The following ID4 variants were observed in gnomAD, a reference collection of about 807,000 sequenced individuals.
ID4 encodes the protein inhibitor of DNA binding 4, also known as DNA-binding protein inhibitor ID-4.
ID4 carries 9 observed loss-of-function variants against 8.6 expected under a neutral mutation model. The ratio of observed to expected loss-of-function variants is 1.04; its 90% CI spans 0.63 to 1.82. The LOEUF is 1.82. Among genes scored for constraint, ID4 ranks in the 40% most tolerant of loss-of-function variants. The pLI, the probability that ID4 is intolerant of heterozygous loss-of-function variation, is 0.00. For missense variants in ID4, 270 were observed against 235.1 expected, an observed-to-expected ratio of 1.15 and a Z score of -0.97; for synonymous variants, 180 against 118.0, an observed-to-expected ratio of 1.53 and a Z score of -3.41.
rs1761253916 is a variant in ID4, at chr6:19,837,831, G to A, written c.77G>A (p.Arg26His). 4.3e-6 allele frequency: 5 copies of A among 1,155,952 alleles called. No homozygotes were observed. In the South Asian group the frequency reaches 2.1e-4, roughly 49 times the overall value. The allele number at this position is 1,155,952 out of a possible 1,614,324, so 71.6% of individuals were successfully genotyped here. A position where few individuals can be genotyped will look rare whatever the true frequency, so the allele number is the denominator to read the frequency against. Residue 26 changes from arginine to histidine, a missense_variant, in exon 1 of 3, where the codon CGC becomes CAC. Coordinates refer to ENST00000378700, the MANE Select transcript of ID4 (RefSeq NM_001546.4). Reference protein sequence around the residue: ...SGCGGGELALRCLAEHGHSLG... With the variant: ...SGCGGGELALHCLAEHGHSLG... Reference sequence around the variant, plus strand: ...TGCGGCGGCGGGGAGCTGGCGCTGCGCTGCCTGGCCGAGCACGGCCACAGC... The same window carrying A: ...TGCGGCGGCGGGGAGCTGGCGCTGCACTGCCTGGCCGAGCACGGCCACAGC...
At chr6:19,838,515 T>C (rs1761280407) in intron 1 of ID4, 69 bp from the exon 2 acceptor site, 1 of 1,598,062 alleles carries the variant, frequency 6.3e-7, no homozygotes, top group Middle Eastern at 1.7e-4. Context: ...CCGAGGACAA[T>C]CCAGGACCGT....
chr6:19,838,713 G>A, intron 2 of ID4, 71 bp downstream of exon 2: 1 of 1,385,510 alleles, frequency 7.2e-7, no homozygotes, highest in Non-Finnish European at 1.0e-6. Flanking sequence ...TCCGGGGCCA[G>A]GCACCGCGGT....
chr6:19,837,985 G>A lies in ID4; in HGVS notation c.231G>A (p.Arg77=). Reference sequence around the variant, plus strand: ...ACGACTGCTATAGCCGCCTGCGGAGGCTGGTGCCCACCATCCCGCCCAACA... The same window carrying A: ...ACGACTGCTATAGCCGCCTGCGGAGACTGGTGCCCACCATCCCGCCCAACA... The part of the protein sequence containing the change: ...DMNDCYSRLR[R]LVPTIPPNKK... The change falls in exon 1 of 3, where the codon AGG becomes AGA. Residue 77 remains arginine (R), a synonymous_variant. Coordinates refer to ENST00000378700, the MANE Select transcript of ID4 (RefSeq NM_001546.4). 2.5e-6 allele frequency: 4 copies of A among 1,595,002 alleles called. No individual in the cohort carries two copies. Among genetic ancestry groups the A allele is most frequent in the Non-Finnish European group, 3.4e-6 (4 of 1,171,100 alleles).
rs952062613 is a variant in ID4, at chr6:19,838,180, G to C, written c.426G>C (p.Ala142=). 1 of 1,451,640 alleles carries C rather than the reference G, an allele frequency of 6.9e-7. No individual in the cohort carries two copies. The highest frequency in any genetic ancestry group is 9.1e-7 in the Non-Finnish European group (1 of 1,102,722). 89.9% of individuals were successfully genotyped at this position (1,451,640 alleles called of 1,614,324 possible). ...CGCCGCCGCGGACCCCGCTCACTGC[G>C]CTCAACACCGACCCGGTGAGAGGCC... The part of the protein sequence containing the change: ...PAAPPRTPLT[A]LNTDPAGAVN... The change falls in exon 1 of 3, where the codon GCG becomes GCC. Residue 142 remains alanine (A), a synonymous_variant. Coordinates refer to ENST00000378700, the MANE Select transcript of ID4 (RefSeq NM_001546.4).
In ID4 at chr6:19,839,763, A is replaced by C. The variant is rs1761319481; in HGVS notation, c.*568A>C. On this transcript the variant is annotated 3_prime_UTR_variant, in exon 3 of 3. Coordinates refer to ENST00000378700, the MANE Select transcript of ID4 (RefSeq NM_001546.4). The stretch of plus-strand genomic sequence containing the variant: ...TAGAGATGTTCTATAAGTGTGAGAA[A>C]GTATATGCTTTAATAGATACTGTAA... 6.6e-6 allele frequency: 1 copy of C among 152,470 alleles called. No individual in the cohort carries two copies. Among genetic ancestry groups the C allele is most frequent in the Non-Finnish European group, 1.5e-5 (1 of 68,030 alleles). The allele number at this position is 152,470 out of a possible 1,614,324, so 9.4% of individuals were successfully genotyped here. A position where few individuals can be genotyped will look rare whatever the true frequency, so the allele number is the denominator to read the frequency against.
Position 19,838,613 on chromosome 6 carries a change from C to T in ID4, c.471C>T (p.Ser157=). Residue 157 remains serine, a synonymous_variant, in exon 2 of 3, where the codon AGC becomes AGT. Coordinates refer to ENST00000378700, the MANE Select transcript of ID4 (RefSeq NM_001546.4). Reference sequence around the variant, plus strand: ...GCGCGGTGAACAAGCAGGGCGACAGCATTCTGTGCCGCTGAGCCGCGCTGT... The same window carrying T: ...GCGCGGTGAACAAGCAGGGCGACAGTATTCTGTGCCGCTGAGCCGCGCTGT... ...PAGAVNKQGD[S]ILCR The T allele has an allele frequency of 6.2e-7, 1 of 1,613,952 alleles. No homozygotes were observed. Among genetic ancestry groups the T allele is most frequent in the Non-Finnish European group, 8.5e-7 (1 of 1,179,888 alleles).
chr6:19,839,064 G>T (rs548717818), intron 2 of ID4, 146 bp from the exon 3 acceptor site: 176 of 210,820 alleles, frequency 8.3e-4, no homozygotes, highest in African/African-American at 4.0e-3. Context: ...CCTGCTCGGC[G>T]CCTGGCCCGG....
In ID4 at chr6:19,839,657, CG is replaced by C. The variant is rs750333423; in HGVS notation, c.*466del. ...TATTGTTTAAAATAGATGATTATAACGGGGCAGAGAACTTTCTTTTCTCTGC... is the reference window on the plus strand; with the variant it reads ...TATTGTTTAAAATAGATGATTATAACGGGCAGAGAACTTTCTTTTCTCTGC... On this transcript the variant is annotated 3_prime_UTR_variant, in exon 3 of 3. Coordinates refer to ENST00000378700, the MANE Select transcript of ID4 (RefSeq NM_001546.4). The C allele has an allele frequency of 9.2e-5, 14 of 152,178 alleles. No homozygotes were observed. Among genetic ancestry groups the C allele is most frequent in the Admixed American group, 4.6e-4 (7 of 15,248 alleles). 9.4% of individuals were successfully genotyped at this position (152,178 alleles called of 1,614,324 possible).
intron 1 of ID4, 88 bp downstream of exon 1, chr6:19,838,283 TC>T: frequency 8.2e-7 from 1 of 1,213,464 alleles, no homozygotes; most frequent in Non-Finnish European, 1.1e-6. Flanking sequence ...CTCACCGTCC[TC>T]CGGGCAGGGG....
Position 19,838,705 on chromosome 6 carries a change from C to T in ID4, c.*14+63C>T, listed in dbSNP as rs1761287344. 2.1e-6 allele frequency: 3 copies of T among 1,444,244 alleles called. No homozygotes were observed. The South Asian group carries it at 3.5e-5, about 17-fold the overall frequency. 89.5% of individuals were successfully genotyped at this position (1,444,244 alleles called of 1,614,324 possible). A position where few individuals can be genotyped will look rare whatever the true frequency, so the allele number is the denominator to read the frequency against. ...AGAGACGCCCGTCCCCGAGGGCTTC[C>T]GGGGCCAGGCACCGCGGTGTTCTTT... On this transcript the variant is annotated intron_variant, in intron 2 of 2. Coordinates refer to ENST00000378700, the MANE Select transcript of ID4 (RefSeq NM_001546.4).
In ID4 at chr6:19,837,676, C is replaced by A; in HGVS notation, c.-79C>A. ...CGGAGGCAAAGGGAGCGGAGCCGGC[C>A]GCGGACGGGGCCCGGAGCTTGCCTG... On this transcript the variant is annotated 5_prime_UTR_variant, in exon 1 of 3. Coordinates refer to ENST00000378700, the MANE Select transcript of ID4 (RefSeq NM_001546.4). 2.0e-6 allele frequency: 2 copies of A among 1,000,520 alleles called. No homozygotes were observed. Among genetic ancestry groups the A allele is most frequent in the African/African-American group, 3.5e-5 (2 of 57,536 alleles). The allele number at this position is 1,000,520 out of a possible 1,614,324, so 62.0% of individuals were successfully genotyped here.
rs1169468845 is a variant in ID4, at chr6:19,838,690, G to A, written c.*14+48G>A. ...GGGTGGCCGGTCACCAGAGACGCCC[G>A]TCCCCGAGGGCTTCCGGGGCCAGGC... On this transcript the variant is annotated intron_variant, in intron 2 of 2. Coordinates refer to ENST00000378700, the MANE Select transcript of ID4 (RefSeq NM_001546.4). 62 of 1,540,658 alleles carry A rather than the reference G, an allele frequency of 4.0e-5. No individual in the cohort carries two copies. The East Asian group carries it at 1.4e-3, about 34-fold the overall frequency.
In ID4 at chr6:19,837,940, G is replaced by C. The variant is rs754783664; in HGVS notation, c.186G>C (p.Leu62=). 23 of 1,507,560 alleles carry C rather than the reference G, an allele frequency of 1.5e-5. No individual in the cohort carries two copies. In the African/African-American group the frequency reaches 2.2e-4, roughly 14 times the overall value. 93.4% of individuals were successfully genotyped at this position (1,507,560 alleles called of 1,614,324 possible). Residue 62 remains leucine, a synonymous_variant, in exon 1 of 3, where the codon CTG becomes CTC. Coordinates refer to ENST00000378700, the MANE Select transcript of ID4 (RefSeq NM_001546.4). ...AGGCGGCGGCCGACGAGCCGGCGCT[G>C]TGCCTGCAGTGCGATATGAACGACT... ...AAEAAADEPA[L]CLQCDMNDCY... is the part of the protein sequence containing the mutation.
At position 19,837,904 on chromosome 6, in the gene ID4, TAAGGCGGCC is replaced by T. The variant is rs1761256264; in HGVS notation, c.151_159del (p.Lys51_Ala53del). The T allele has an allele frequency of 7.1e-7, 1 of 1,407,180 alleles. No individual in the cohort carries two copies. The highest frequency in any genetic ancestry group is 9.3e-7 in the Non-Finnish European group (1 of 1,070,886). The allele number at this position is 1,407,180 out of a possible 1,614,324, so 87.2% of individuals were successfully genotyped here. On this transcript the variant is annotated inframe_deletion, in exon 1 of 3. Transcript: ENST00000378700. The stretch of plus-strand genomic sequence containing the variant: ...CGGCGGCGGCGGCGGCAGCGCGCTG[TAAGGCGGCC>T]GAGGCGGCGGCCGACGAGCCGGCGC...
rs367883637 is a variant in ID4 at position 19,837,446 on chromosome 6, C to T, written c.-309C>T. On this transcript the variant is annotated 5_prime_UTR_variant, in exon 1 of 3. Coordinates refer to ENST00000378700, the MANE Select transcript of ID4 (RefSeq NM_001546.4). ...TCCCGGGCTAGGGGAGCGCGGCGGC[C>T]GCGATCGGGCTTAGTCGGAGCTCCG... is the stretch of plus-strand genomic sequence containing the variant. The T allele has an allele frequency of 1.7e-4, 27 of 157,226 alleles. No individual in the cohort carries two copies. In the East Asian group the frequency reaches 5.0e-3, roughly 29 times the overall value. 9.7% of individuals were successfully genotyped at this position (157,226 alleles called of 1,614,324 possible).
In ID4 at chr6:19,839,588, T is replaced by A. The variant is rs1216768045; in HGVS notation, c.*393T>A. On this transcript the variant is annotated 3_prime_UTR_variant, in exon 3 of 3. Coordinates refer to ENST00000378700, the MANE Select transcript of ID4 (RefSeq NM_001546.4). ...AGGAGCTCAATTTTTGTTTTGAAGC[T>A]TTACTAATCTACCAGAGCATTGTAG... The A allele has an allele frequency of 6.6e-6, 1 of 152,096 alleles. No homozygotes were observed. Among genetic ancestry groups the A allele is most frequent in the Non-Finnish European group, 1.5e-5 (1 of 67,972 alleles). 9.4% of individuals were successfully genotyped at this position (152,096 alleles called of 1,614,324 possible).
rs914944041 is a variant in ID4 at position 19,839,694 on chromosome 6, C to G, written c.*499C>G. The G allele has an allele frequency of 3.1e-4, 48 of 152,538 alleles. No individual in the cohort carries two copies. The highest frequency in any genetic ancestry group is 1.1e-3 in the African/African-American group (44 of 41,430). The allele number at this position is 152,538 out of a possible 1,614,324, so 9.4% of individuals were successfully genotyped here. ...CTTTCTTTTCTCTGCAAGAATGTTACATATTGTATAGATAAATGAGTGACA... is the reference window on the plus strand; with the variant it reads ...CTTTCTTTTCTCTGCAAGAATGTTAGATATTGTATAGATAAATGAGTGACA... On this transcript the variant is annotated 3_prime_UTR_variant, in exon 3 of 3. Transcript: ENST00000378700.
rs910688421 is a variant in ID4, at chr6:19,837,942, G to A, written c.188G>A (p.Cys63Tyr). ...AEAAADEPAL[C>Y]LQCDMNDCYS... The stretch of plus-strand genomic sequence containing the variant: ...GCGGCGGCCGACGAGCCGGCGCTGT[G>A]CCTGCAGTGCGATATGAACGACTGC... Residue 63 changes from cysteine (C) to tyrosine (Y), a missense_variant, in exon 1 of 3, where the codon TGC becomes TAC. Physicochemically the swap from Cys to Tyr is radical, Grantham distance 194 (BLOSUM62 -2). This residue lies in a region of ID4 where 160 missense variants were observed against 131.5 expected (regional missense o/e 1.22). Transcript: ENST00000378700. 2 of 1,511,496 alleles carry A rather than the reference G, an allele frequency of 1.3e-6. No homozygotes were observed. The highest frequency in any genetic ancestry group is 1.8e-6 in the Non-Finnish European group (2 of 1,128,474). 93.6% of individuals were successfully genotyped at this position (1,511,496 alleles called of 1,614,324 possible). A position where few individuals can be genotyped will look rare whatever the true frequency, so the allele number is the denominator to read the frequency against.
intron 1 of ID4, 80 bp from the exon 2 acceptor site, chr6:19,838,504 T>G: frequency 1.3e-6 from 2 of 1,587,270 alleles, no homozygotes; most frequent in Non-Finnish European, 8.6e-7. Flanking sequence ...CAGCCTGATT[T>G]CCGAGGACAA....
Sources: allele counts gnomAD v4.1 joint callset, GRCh38; gene constraint gnomAD v4.1.1; regional missense constraint gnomAD v4.1.1; transcripts MANE v1.5; gene names NCBI Gene and HGNC (gene_info 2026-07-23, HGNC 2026-07-21).